Variants in SLX4IP observed in about 807,000 individuals in gnomAD.
The protein encoded by SLX4IP is protein SLX4IP.
A neutral mutation model predicts 32.9 loss-of-function variants in SLX4IP; 34 were observed. The observed-to-expected ratio is 1.03, with a 90% CI of 0.79 to 1.38. SLX4IP has a LOEUF of 1.38. Among genes scored for constraint, SLX4IP ranks in the 40% most tolerant of loss-of-function variants. The probability of loss-of-function intolerance (pLI) is 0.00; values close to 1 mark genes in which losing one functional copy is unlikely to be tolerated. For missense variants in SLX4IP, 444 were observed against 479.0 expected, an observed-to-expected ratio of 0.93 and a Z score of 0.68; for synonymous variants, 172 against 171.7, an observed-to-expected ratio of 1.00 and a Z score of -0.01.
intron 4 of SLX4IP, among the ~76,000 whole-genome samples, chr20:10,572,951 CAA>C (rs1015227695): frequency 1.3e-5 from 2 of 152,182 alleles, no homozygotes; most frequent in African/African-American, 2.4e-5. Context: ...GTTCACACGA[CAA>C]GAGGCGAAAA....
At chr20:10,494,015 G>A (rs2065647292) in intron 2 of SLX4IP, among the ~76,000 whole-genome samples, 1 of 151,664 alleles carries the variant, frequency 6.6e-6, no homozygotes, top group Admixed American at 6.6e-5. Flanking sequence ...CTTTTTAAGA[G>A]CATTTATTGA....
chr20:10,505,991 A>G (rs1273928076), intron 2 of SLX4IP, among the ~76,000 whole-genome samples: 1 of 152,212 alleles, frequency 6.6e-6, no homozygotes, highest in Non-Finnish European at 1.5e-5. Flanking sequence ...ACACACAGAT[A>G]GCATAGTCTC....
chr20:10,449,530 C>T lies in SLX4IP; in HGVS notation c.-29-8646C>T, dbSNP rs144749007. 5.2e-3 allele frequency among the ~76,000 whole-genome samples: 798 copies of T among 152,276 alleles called. 4 individuals carry two copies. The highest frequency in any genetic ancestry group is 8.4e-3 in the Non-Finnish European group (572 of 68,024). On this transcript the variant is annotated intron_variant, in intron 1 of 7. Coordinates refer to ENST00000334534, the MANE Select transcript of SLX4IP (RefSeq NM_001009608.3). ...GCTAGTTTGCCCTCAGTGGACCTGA[C>T]AAGACTCTATCTAGCGCTTGGTTAG...
intron 1 of SLX4IP, among the ~76,000 whole-genome samples, chr20:10,439,873 T>C (rs1329858808): frequency 6.6e-6 from 1 of 152,226 alleles, no homozygotes; most frequent in Non-Finnish European, 1.5e-5. Context: ...CTCCCCTTTG[T>C]CAGGGAGATG....
chr20:10,541,997 A>G (rs78421925), intron 2 of SLX4IP, among the ~76,000 whole-genome samples: 4,395 of 152,306 alleles, frequency 0.029, 109 homozygotes, highest in Admixed American at 0.09. Flanking sequence ...TTTGGGGTCT[A>G]TAAGCCCACA....
chr20:10,441,328 C>T (rs1260640598), intron 1 of SLX4IP, among the ~76,000 whole-genome samples: 6 of 152,090 alleles, frequency 3.9e-5, no homozygotes, highest in Non-Finnish European at 7.4e-5. Context: ...CCCAGCTACT[C>T]GGAAGGCTGA....
intron 2 of SLX4IP, among the ~76,000 whole-genome samples, chr20:10,487,685 A>G (rs2065586768): frequency 6.6e-6 from 1 of 152,182 alleles, no homozygotes; most frequent in Non-Finnish European, 1.5e-5. Context: ...CTTCTCGCAC[A>G]CATGTTTCTT....
chr20:10,577,936 G>A (rs555757519), intron 4 of SLX4IP, among the ~76,000 whole-genome samples: 2 of 152,176 alleles, frequency 1.3e-5, no homozygotes, highest in South Asian at 2.1e-4. Context: ...TATATATCTC[G>A]TTTTTTAAAT....
chr20:10,492,020 T>C (rs2065627770), intron 2 of SLX4IP, among the ~76,000 whole-genome samples: 1 of 152,242 alleles, frequency 6.6e-6, no homozygotes, highest in Non-Finnish European at 1.5e-5. Flanking sequence ...AGTCTGCTTT[T>C]ACTACTCATT....
At chr20:10,463,555 G>A (rs1353924787) in intron 2 of SLX4IP, among the ~76,000 whole-genome samples, 1 of 152,180 alleles carries the variant, frequency 6.6e-6, no homozygotes. Context: ...AAGACAGAGG[G>A]TTCCATGAAA....
intron 2 of SLX4IP, among the ~76,000 whole-genome samples, chr20:10,511,675 G>C (rs1474627513): frequency 6.6e-6 from 1 of 152,220 alleles, no homozygotes; most frequent in African/African-American, 2.4e-5. Flanking sequence ...CAGCTTCGCA[G>C]ATGACACTTG....
At chr20:10,445,597 G>A (rs1307312085) in intron 1 of SLX4IP, among the ~76,000 whole-genome samples, 1 of 148,570 alleles carries the variant, frequency 6.7e-6, no homozygotes, top group African/African-American at 2.5e-5. Flanking sequence ...TTACAGATGT[G>A]AGCCACCATG....
intron 2 of SLX4IP, among the ~76,000 whole-genome samples, chr20:10,467,785 C>T (rs867158761): frequency 9.2e-5 from 14 of 152,268 alleles, no homozygotes; most frequent in Middle Eastern, 3.4e-3. Context: ...TTTTAGATAC[C>T]TTCTCACTCT....
chr20:10,510,906 G>T (rs1238836258), intron 2 of SLX4IP, among the ~76,000 whole-genome samples: 1 of 152,162 alleles, frequency 6.6e-6, no homozygotes, highest in African/African-American at 2.4e-5. Flanking sequence ...ACCCGGCGGT[G>T]CCTGGCAAAT....
In SLX4IP at chr20:10,622,908, T is replaced by C. The variant is rs1285556207; in HGVS notation, c.756T>C (p.Ser252=). 1.2e-6 allele frequency: 2 copies of C among 1,614,024 alleles called. No homozygotes were observed. The highest frequency in any genetic ancestry group is 1.6e-4 in the Middle Eastern group (1 of 6,062). The change falls in exon 8 of 8, where the codon AGT becomes AGC. Residue 252 remains serine, a synonymous_variant. Transcript: ENST00000334534. The stretch of plus-strand genomic sequence containing the variant: ...ATCAGACCCAGCCAGAAGACACTAG[T>C]GGCCAGCAAAAACCTCATCCTGGGG... ...KVNQTQPEDT[S]GQQKPHPGER... is the part of the protein sequence containing the mutation.
intron 2 of SLX4IP, among the ~76,000 whole-genome samples, chr20:10,528,170 A>G (rs1261905761): frequency 2.0e-5 from 3 of 152,164 alleles, no homozygotes; most frequent in Non-Finnish European, 4.4e-5. Flanking sequence ...AATGGTTTTA[A>G]GCTCCTAGAA....
intron 2 of SLX4IP, among the ~76,000 whole-genome samples, chr20:10,545,788 C>T (rs2122484348): frequency 6.6e-6 from 1 of 152,290 alleles, no homozygotes; most frequent in East Asian, 1.9e-4. Context: ...ACCTGTCTTT[C>T]CTCTTCCTTC....
intron 2 of SLX4IP, among the ~76,000 whole-genome samples, chr20:10,547,009 G>A (rs1004437497): frequency 6.6e-6 from 1 of 152,162 alleles, no homozygotes; most frequent in African/African-American, 2.4e-5. Context: ...GGGTCCCAGG[G>A]GCATATGTTA....
At chr20:10,583,380 T>C (rs1176971402) in intron 4 of SLX4IP, among the ~76,000 whole-genome samples, 1 of 152,236 alleles carries the variant, frequency 6.6e-6, no homozygotes, top group Non-Finnish European at 1.5e-5. Context: ...ACAAGGTTGG[T>C]GTACACATTC....
Sources: allele counts gnomAD v4.1 joint callset (sites outside exome capture counted in the v4.1 genomes callset), GRCh38; gene constraint gnomAD v4.1.1; transcripts MANE v1.5; gene names NCBI Gene and HGNC (gene_info 2026-07-23, HGNC 2026-07-21).